DCLK2: variants seen among roughly 807,000 people sequenced by gnomAD.
DCLK2 encodes doublecortin like kinase 2, also known as serine/threonine-protein kinase DCLK2.
A neutral mutation model predicts 78.4 loss-of-function variants in DCLK2; 31 were observed. The observed-to-expected ratio is 0.40, with a 90% CI of 0.30 to 0.53. DCLK2 has a LOEUF of 0.53. Ranked by LOEUF, DCLK2 falls within the 20% of genes least tolerant of loss-of-function variation. The pLI is 0.61. For synonymous variants in DCLK2, 407 were observed against 374.9 expected, an observed-to-expected ratio of 1.09 and a Z score of -0.99; for missense variants, 872 against 973.7, an observed-to-expected ratio of 0.90 and a Z score of 1.39.
chr4:150,199,227 C>T (rs556444154), intron 4 of DCLK2: 1 of 716,328 alleles, frequency 1.4e-6, no homozygotes, highest in Non-Finnish European at 2.4e-6. Flanking sequence ...TTGCATTGCA[C>T]AAGACACTTT....
At chr4:150,153,320 A>G (rs750257754) in intron 2 of DCLK2, among the ~76,000 whole-genome samples, 1 of 152,144 alleles carries the variant, frequency 6.6e-6, no homozygotes, top group Non-Finnish European at 1.5e-5. Flanking sequence ...GGAGTGCTTG[A>G]TATGATCTGA....
At chr4:150,100,884 G>A (rs1235848491) in intron 1 of DCLK2, among the ~76,000 whole-genome samples, 2 of 152,156 alleles carry the variant, frequency 1.3e-5, no homozygotes, top group East Asian at 1.9e-4. Flanking sequence ...GTTAAAGCCT[G>A]TGATTGGTTC....
Position 150,256,141 on chromosome 4 carries a change from G to A in DCLK2, c.2195G>A (p.Gly732Glu), listed in dbSNP as rs1452620301. ...PPSVEEIPVP[G>E]EAVPAPTPPE... ...TCAGTGGAGGAGATCCCTGTGCCTG[G>A]GGAAGCAGTCCCGGCCCCCACCCCT... Residue 732 changes from glycine (G) to glutamate (E), a missense_variant, in exon 16 of 16, where the codon GGG (glycine) becomes GAG (glutamate). Transcript: ENST00000296550. 3.1e-6 allele frequency: 5 copies of A among 1,609,508 alleles called. No individual in the cohort carries two copies. The highest frequency in any genetic ancestry group is 1.3e-5 in the African/African-American group (1 of 74,824).
intron 2 of DCLK2, among the ~76,000 whole-genome samples, chr4:150,150,248 C>T (rs1164461027): frequency 6.6e-6 from 1 of 152,132 alleles, no homozygotes; most frequent in Non-Finnish European, 1.5e-5. Flanking sequence ...TGTGCTGTAC[C>T]TTGACAGAGC....
At chr4:150,232,953 T>C (rs1197570278) in intron 10 of DCLK2, 125 bp downstream of exon 10, 21 of 1,217,944 alleles carry the variant, frequency 1.7e-5, no homozygotes, top group African/African-American at 1.4e-4. Flanking sequence ...TTTAGAAAAT[T>C]AGCAAGACTT....
At chr4:150,211,796 T>A (rs1039285059) in intron 5 of DCLK2, among the ~76,000 whole-genome samples, 1 of 152,300 alleles carries the variant, frequency 6.6e-6, no homozygotes, top group Admixed American at 6.5e-5. Context: ...ATTCTCCATT[T>A]TTCTGCTTGA....
chr4:150,147,266 C>T (rs561486107), intron 2 of DCLK2, among the ~76,000 whole-genome samples: 6 of 152,122 alleles, frequency 3.9e-5, no homozygotes, highest in Non-Finnish European at 8.8e-5. Context: ...CCACTGCCCT[C>T]CATCCTGGGC....
chr4:150,196,329 T>C (rs1425042101), intron 3 of DCLK2, among the ~76,000 whole-genome samples: 1 of 152,050 alleles, frequency 6.6e-6, no homozygotes, highest in Non-Finnish European at 1.5e-5. Flanking sequence ...TAGCAATGCA[T>C]TTAAGATGTT....
chr4:150,149,456 G>A (rs1472167256), intron 2 of DCLK2, among the ~76,000 whole-genome samples: 2 of 152,106 alleles, frequency 1.3e-5, no homozygotes, highest in African/African-American at 4.8e-5. Context: ...ATGAGTCCTG[G>A]GCATCCAGTG....
At chr4:150,221,546 T>C in intron 6 of DCLK2, 131 bp from the exon 7 acceptor site, 1 of 575,180 alleles carries the variant, frequency 1.7e-6, no homozygotes, top group Non-Finnish European at 2.9e-6. Context: ...AGGAAATGTG[T>C]GCAGATATTT....
At chr4:150,166,835 C>T (rs1447973376) in intron 2 of DCLK2, among the ~76,000 whole-genome samples, 1 of 152,164 alleles carries the variant, frequency 6.6e-6, no homozygotes, top group Non-Finnish European at 1.5e-5. Context: ...AGACAACGCT[C>T]AAAAAGCAGC....
At chr4:150,253,608 C>T (rs180923687) in intron 15 of DCLK2, 57 of 1,284,988 alleles carry the variant, frequency 4.4e-5, no homozygotes, top group East Asian at 1.7e-4. Context: ...GCCCCTCTCA[C>T]GCCTGCATGC....
chr4:150,240,860 T>C (rs375484506), intron 12 of DCLK2, among the ~76,000 whole-genome samples: 1 of 152,170 alleles, frequency 6.6e-6, no homozygotes, highest in African/African-American at 2.4e-5. Context: ...TAGCATACTT[T>C]GGGTGTGAGG....
At chr4:150,087,224 C>T (rs1380755512) in intron 1 of DCLK2, among the ~76,000 whole-genome samples, 1 of 152,164 alleles carries the variant, frequency 6.6e-6, no homozygotes, top group East Asian at 1.9e-4. Flanking sequence ...GCCCTAAGTA[C>T]TTTTCATTAC....
chr4:150,174,348 C>T (rs1409488863), intron 2 of DCLK2, among the ~76,000 whole-genome samples: 1 of 152,148 alleles, frequency 6.6e-6, no homozygotes, highest in Non-Finnish European at 1.5e-5. Context: ...CCAAGGTGGT[C>T]TCCTAAGTCA....
intron 2 of DCLK2, among the ~76,000 whole-genome samples, chr4:150,117,455 C>T (rs189790490): frequency 1.0e-3 from 152 of 152,312 alleles, no homozygotes; most frequent in Non-Finnish European, 1.9e-3. Flanking sequence ...CTCCTGTGCT[C>T]ATGGCTGCAG....
intron 5 of DCLK2, among the ~76,000 whole-genome samples, chr4:150,220,252 CAAAA>C (rs1423311704): frequency 6.6e-6 from 1 of 152,004 alleles, no homozygotes; most frequent in East Asian, 1.9e-4. Flanking sequence ...AACAGAACAA[CAAAA>C]AAATTAAATT....
At chr4:150,237,993 C>T (rs539688740) in intron 10 of DCLK2, among the ~76,000 whole-genome samples, 19 of 152,204 alleles carry the variant, frequency 1.2e-4, no homozygotes, top group Non-Finnish European at 2.4e-4. Context: ...TGCTGTCATA[C>T]GCACTTGTTT....
Position 150,104,846 on chromosome 4 carries a change from A to G in DCLK2, c.756+2034A>G, listed in dbSNP as rs568663267. On this transcript the variant is annotated intron_variant, in intron 2 of 15. Coordinates refer to ENST00000296550, the MANE Select transcript of DCLK2 (RefSeq NM_001040260.4). ...GTAAATAAACACTGGAAGTATTTCT[A>G]TGACAGGTCCAAGATAAGGATGCCT... Among the ~76,000 whole-genome samples, 16 of 152,308 alleles carry G rather than the reference A, an allele frequency of 1.1e-4. No homozygotes were observed. In the South Asian group the frequency reaches 1.7e-3, roughly 16 times the overall value.
Sources: gnomAD v4.1 joint callset for allele counts (sites outside exome capture counted in the v4.1 genomes callset) on GRCh38, gnomAD v4.1.1 for gene constraint, MANE v1.5 for transcripts, NCBI Gene and HGNC (gene_info 2026-07-23, HGNC 2026-07-21) for gene names.